OXR1: variants seen among roughly 807,000 people sequenced by gnomAD.
The protein encoded by OXR1 is oxidation resistance 1, also known as oxidation resistance protein 1.
A neutral mutation model predicts 104.6 loss-of-function variants in OXR1; 41 were observed. The ratio of observed to expected loss-of-function variants is 0.39; its 90% CI spans 0.31 to 0.51. The LOEUF is 0.51. Among genes scored for constraint, OXR1 ranks in the 20% least tolerant of loss-of-function variants. The pLI is 0.77. For missense variants in OXR1, 955 were observed against 1,031.9 expected, an observed-to-expected ratio of 0.93 and a Z score of 1.02; for synonymous variants, 348 against 348.4, an observed-to-expected ratio of 1.00 and a Z score of 0.01.
At chr8:106,432,268 C>G (rs1478453067) in intron 2 of OXR1, among the ~76,000 whole-genome samples, 1 of 152,164 alleles carries the variant, frequency 6.6e-6, no homozygotes, top group Admixed American at 6.5e-5. Context: ...CCTTCAAAAA[C>G]AAACATTGGA....
intron 3 of OXR1, among the ~76,000 whole-genome samples, chr8:106,653,099 T>G (rs1824754588): frequency 6.7e-6 from 1 of 148,206 alleles, no homozygotes; most frequent in Non-Finnish European, 1.5e-5. Context: ...TATATATATA[T>G]GGTAAATGAT....
At chr8:106,384,604 A>T (rs914498781) in intron 2 of OXR1, among the ~76,000 whole-genome samples, 3 of 152,098 alleles carry the variant, frequency 2.0e-5, no homozygotes, top group African/African-American at 7.2e-5. Flanking sequence ...GGAAGCTCTT[A>T]TCTTTGGTGT....
chr8:106,594,025 G>T (rs755466233), intron 3 of OXR1, among the ~76,000 whole-genome samples: 2 of 152,186 alleles, frequency 1.3e-5, no homozygotes, highest in South Asian at 2.1e-4. Context: ...GGAACAGGCC[G>T]TTATGTTGAA....
At chr8:106,685,666 A>G (rs1289511381) in intron 6 of OXR1, among the ~76,000 whole-genome samples, 3 of 151,698 alleles carry the variant, frequency 2.0e-5, no homozygotes, top group South Asian at 4.2e-4. Context: ...GGCCAGTGAT[A>G]TGAGTAAATT....
chr8:106,706,564 G>A lies in OXR1; in HGVS notation c.1043G>A (p.Arg348Gln), dbSNP rs776241368. Residue 348 changes from arginine (R) to glutamine (Q), a missense_variant, in exon 9 of 17, where the codon CGA becomes CAA. This residue lies in a region of OXR1 where 849 missense variants were observed against 852.9 expected (regional missense o/e 1.00). Transcript: ENST00000517566. ...VFTESELSPI[R>Q]EELVSSDELR... ...ACAGAATCAGAACTTTCCCCTATAC[G>A]AGAGGAGCTTGTATCTTCAGATGAA... 2.5e-5 allele frequency: 41 copies of A among 1,611,266 alleles called. No homozygotes were observed. Among genetic ancestry groups the A allele is most frequent in the East Asian group, 6.7e-5 (3 of 44,852 alleles).
intron 2 of OXR1, among the ~76,000 whole-genome samples, chr8:106,497,789 TGTGTGTGTGTGTGTGTGCACACGC>T (rs1164774692): frequency 2.2e-4 from 4 of 18,014 alleles, no homozygotes; most frequent in African/African-American, 6.3e-4. Flanking sequence ...GGTCACCATA[TGTGTGTGTGTGTGTGTGCACACGC>T]GTGTGTGTGT....
chr8:106,449,210 CT>C (rs1321827737), intron 2 of OXR1, among the ~76,000 whole-genome samples: 1 of 152,114 alleles, frequency 6.6e-6, no homozygotes, highest in African/African-American at 2.4e-5. Flanking sequence ...GATGTTACCC[CT>C]CTGATCACTT....
At chr8:106,336,962 G>A (rs189729133) in intron 1 of OXR1, among the ~76,000 whole-genome samples, 116 of 152,196 alleles carry the variant, frequency 7.6e-4, no homozygotes, top group Non-Finnish European at 1.0e-3. Flanking sequence ...GGATATTTAA[G>A]CCCTTAGTAA....
chr8:106,742,306 C>T lies in OXR1; in HGVS notation c.2401C>T (p.Pro801Ser), dbSNP rs774090921. Reference protein sequence around the residue: ...TGETFVFTFCPEFEVFKWTGD... With the variant: ...TGETFVFTFCSEFEVFKWTGD... ...AGAGACCTTTGTTTTTACATTCTGT[C>T]CGGAGTTTGAGGTAAGAACCACTAT... The change falls in exon 15 of 17, where the codon CCG (proline) becomes TCG (serine). Residue 801 changes from proline (P) to serine (S), a missense_variant. By Grantham distance (74) the Pro-to-Ser change is moderately conservative. Coordinates refer to ENST00000517566, the MANE Select transcript of OXR1 (RefSeq NM_001198533.2). 1 of 1,600,794 alleles carries T rather than the reference C, an allele frequency of 6.2e-7. No homozygotes were observed. Among genetic ancestry groups the T allele is most frequent in the Non-Finnish European group, 8.6e-7 (1 of 1,169,086 alleles).
At chr8:106,549,913 G>C (rs763055562) in intron 3 of OXR1, among the ~76,000 whole-genome samples, 3 of 152,088 alleles carry the variant, frequency 2.0e-5, no homozygotes, top group Non-Finnish European at 2.9e-5. Context: ...TCCTGCTTTG[G>C]AGAAGAGCAT....
rs543570834 is a variant in OXR1 at position 106,506,974 on chromosome 8, A to G, written c.24-11969A>G. On this transcript the variant is annotated intron_variant, in intron 2 of 16. Transcript: ENST00000517566. ...CACAGTGGTGTGCCCCTGTAGTCCC[A>G]GGTCCTTGGGAGGCTGAGGTGGGAA... Among the ~76,000 whole-genome samples the G allele has an allele frequency of 2.6e-5, 4 of 152,098 alleles. No individual in the cohort carries two copies. The South Asian group carries it at 8.3e-4, about 32-fold the overall frequency.
intron 3 of OXR1, among the ~76,000 whole-genome samples, chr8:106,571,000 G>C (rs1817430774): frequency 6.6e-6 from 1 of 151,884 alleles, no homozygotes; most frequent in African/African-American, 2.4e-5. Context: ...TTCTAATTCA[G>C]AGGTCAAGCC....
intron 1 of OXR1, among the ~76,000 whole-genome samples, chr8:106,308,222 A>C (rs904245747): frequency 6.6e-6 from 1 of 152,114 alleles, no homozygotes. Flanking sequence ...CTGAGAACTA[A>C]AGGCACTAAT....
intron 2 of OXR1, among the ~76,000 whole-genome samples, chr8:106,447,071 T>C (rs2130603589): frequency 6.6e-6 from 1 of 152,312 alleles, no homozygotes; most frequent in African/African-American, 2.4e-5. Flanking sequence ...GTAGTTCTAT[T>C]TGTTATAATG....
At chr8:106,356,572 A>C (rs1338390838) in intron 1 of OXR1, among the ~76,000 whole-genome samples, 1 of 152,090 alleles carries the variant, frequency 6.6e-6, no homozygotes, top group Non-Finnish European at 1.5e-5. Context: ...AGAAGCAAAC[A>C]ATTCTCCACT....
chr8:106,415,910 C>T, intron 2 of OXR1, among the ~76,000 whole-genome samples: 1 of 152,006 alleles, frequency 6.6e-6, no homozygotes. Flanking sequence ...AATATTTATT[C>T]CATGGAGTTT....
At chr8:106,594,664 C>T (rs538806989) in intron 3 of OXR1, among the ~76,000 whole-genome samples, 1 of 152,198 alleles carries the variant, frequency 6.6e-6, no homozygotes, top group East Asian at 1.9e-4. Flanking sequence ...TAAGAGGAGG[C>T]GACCAGCAAG....
At chr8:106,672,909 C>T (rs1827193034) in intron 3 of OXR1, among the ~76,000 whole-genome samples, 1 of 152,168 alleles carries the variant, frequency 6.6e-6, no homozygotes, top group African/African-American at 2.4e-5. Flanking sequence ...TGAGGCCTCT[C>T]CACCCATGCA....
At chr8:106,481,805 T>C (rs984239344) in intron 2 of OXR1, among the ~76,000 whole-genome samples, 2 of 152,044 alleles carry the variant, frequency 1.3e-5, no homozygotes, top group Non-Finnish European at 2.9e-5. Context: ...CAGAATTAAA[T>C]TGTCCATTAA....
Sources: gnomAD v4.1 joint callset for allele counts (sites outside exome capture counted in the v4.1 genomes callset) on GRCh38, gnomAD v4.1.1 for gene constraint, gnomAD v4.1.1 regional missense constraint, MANE v1.5 for transcripts, NCBI Gene and HGNC (gene_info 2026-07-23, HGNC 2026-07-21) for gene names.